The following ALKBH8 variants were observed in gnomAD, a reference collection of about 807,000 sequenced individuals.
ALKBH8 encodes tRNA (carboxymethyluridine(34)-5-O)-methyltransferase ALKBH8.
In ALKBH8, 36 loss-of-function variants were observed where a neutral mutation model predicts 59.8. That is an observed-to-expected ratio of 0.60 (90% CI 0.46 to 0.79). ALKBH8 has a LOEUF of 0.79. Ranked by LOEUF, ALKBH8 falls within the 30% of genes least tolerant of loss-of-function variation. The probability of loss-of-function intolerance (pLI) is 0.00; values close to 1 mark genes in which losing one functional copy is unlikely to be tolerated. For missense variants in ALKBH8, 768 were observed against 801.0 expected, an observed-to-expected ratio of 0.96 and a Z score of 0.50; for synonymous variants, 276 against 273.6, an observed-to-expected ratio of 1.01 and a Z score of -0.09.
In ALKBH8 at chr11:107,522,314, A is replaced by G. The variant is rs1178840217; in HGVS notation, c.1272T>C (p.Asn424=). 1 of 1,551,552 alleles carries G rather than the reference A, an allele frequency of 6.4e-7. No homozygotes were observed. The highest frequency in any genetic ancestry group is 1.4e-5 in the African/African-American group (1 of 73,060). Residue 424 remains asparagine, a synonymous_variant, in exon 10 of 12, where the codon AAT becomes AAC. Coordinates refer to ENST00000428149, the MANE Select transcript of ALKBH8 (RefSeq NM_138775.3). ...GCGNGKYLGI[N]KELYMIGCDR... is the part of the protein sequence containing the mutation. ...CATTACTTGCCATATATAACTCCTTATTGATGCCAAGATACTTTCCATTAC... is the reference window on the plus strand; with the variant it reads ...CATTACTTGCCATATATAACTCCTTGTTGATGCCAAGATACTTTCCATTAC...
chr11:107,521,888 T>C (rs1372713403), intron 10 of ALKBH8, among the ~76,000 whole-genome samples: 3 of 152,130 alleles, frequency 2.0e-5, no homozygotes, highest in East Asian at 3.8e-4. Context: ...CCTAATTATA[T>C]GACATCAGGA....
At chr11:107,552,130 G>C (rs934345564) in intron 5 of ALKBH8, among the ~76,000 whole-genome samples, 1 of 150,694 alleles carries the variant, frequency 6.6e-6, no homozygotes, top group Non-Finnish European at 1.5e-5. Flanking sequence ...AAGTTTAAAA[G>C]AACAATTCTA....
intron 2 of ALKBH8, among the ~76,000 whole-genome samples, chr11:107,557,999 T>C (rs1035205570): frequency 6.6e-6 from 1 of 152,202 alleles, no homozygotes; most frequent in Non-Finnish European, 1.5e-5. Flanking sequence ...TGAGAAGAGG[T>C]AGATAGTAAA....
chr11:107,517,894 G>A (rs1862933485), intron 10 of ALKBH8, among the ~76,000 whole-genome samples: 1 of 152,162 alleles, frequency 6.6e-6, no homozygotes, highest in Non-Finnish European at 1.5e-5. Context: ...AAAATGCTAG[G>A]AGAATGGATG....
intron 10 of ALKBH8, among the ~76,000 whole-genome samples, chr11:107,518,774 G>A (rs1358634857): frequency 2.0e-5 from 3 of 148,352 alleles, no homozygotes; most frequent in African/African-American, 5.0e-5. Flanking sequence ...TAGAAACAAT[G>A]CTAATGACTG....
chr11:107,557,714 T>G (rs988055935), intron 2 of ALKBH8, among the ~76,000 whole-genome samples: 2 of 152,218 alleles, frequency 1.3e-5, no homozygotes, highest in Non-Finnish European at 2.9e-5. Context: ...TTTTCCTTTG[T>G]AAGTTTCACG....
rs1591339977 is a variant in ALKBH8 at position 107,565,373 on chromosome 11, C to A, written c.-7+228G>T. 8 of 603,576 alleles carry A rather than the reference C, an allele frequency of 1.3e-5. No individual in the cohort carries two copies. In the East Asian group the frequency reaches 1.4e-4, roughly 11 times the overall value. 37.4% of individuals were successfully genotyped at this position (603,576 alleles called of 1,614,324 possible). A position where few individuals can be genotyped will look rare whatever the true frequency, so the allele number is the denominator to read the frequency against. ...AAACAGAAGATTGACACAGGCACCA[C>A]GTGAGCGCCCGAACCAAACACAAAC... On this transcript the variant is annotated intron_variant, in intron 1 of 11. Coordinates refer to ENST00000428149, the MANE Select transcript of ALKBH8 (RefSeq NM_138775.3).
chr11:107,558,794 G>A (rs1864816423), intron 2 of ALKBH8, among the ~76,000 whole-genome samples: 1 of 152,164 alleles, frequency 6.6e-6, no homozygotes, highest in African/African-American at 2.4e-5. Flanking sequence ...ATAAGGAGGA[G>A]TATGTATGAA....
intron 6 of ALKBH8, 57 bp from the exon 7 acceptor site, chr11:107,549,880 A>G (rs1392926828): frequency 5.0e-6 from 6 of 1,198,746 alleles, no homozygotes; most frequent in Admixed American, 4.1e-5. Flanking sequence ...TAGATTTAAG[A>G]TGGCTATAAA....
chr11:107,554,091 G>T, intron 3 of ALKBH8, 113 bp from the exon 4 acceptor site: 2 of 1,350,126 alleles, frequency 1.5e-6, no homozygotes, highest in Non-Finnish European at 2.0e-6. Context: ...CTCATTTTCG[G>T]AAACAAGATT....
intron 5 of ALKBH8, 55 bp downstream of exon 5, chr11:107,553,053 A>G: frequency 1.9e-6 from 2 of 1,065,644 alleles, no homozygotes; most frequent in Non-Finnish European, 2.7e-6. Context: ...ATCATATTCT[A>G]CTAATATATT....
At chr11:107,539,596 C>CAA (rs5794556) in intron 7 of ALKBH8, among the ~76,000 whole-genome samples, 15 of 149,568 alleles carry the variant, frequency 1.0e-4, no homozygotes, top group South Asian at 4.3e-4. Context: ...GAGAATCCAC[C>CAA]AAAAAAAAAC....
chr11:107,522,351 T>A lies in ALKBH8; in HGVS notation c.1235A>T (p.Asp412Val). 1 of 1,551,666 alleles carries A rather than the reference T, an allele frequency of 6.4e-7. No individual in the cohort carries two copies. Among genetic ancestry groups the A allele is most frequent in the South Asian group, 1.2e-5 (1 of 84,058 alleles). ...KALPSGSIVA[D>V]IGCGNGKYLG... ...ATACTTTCCATTACCACATCCAATA[T>A]CAGCCACTATTGAACCACTTGGCAA... Residue 412 changes from aspartate (D) to valine (V), a missense_variant, in exon 10 of 12, where the codon GAT (aspartate) becomes GTT (valine). Physicochemically the swap from Asp to Val is radical, Grantham distance 152. Transcript: ENST00000428149.
At chr11:107,518,187 TAA>T (rs1478070387) in intron 10 of ALKBH8, among the ~76,000 whole-genome samples, 2 of 152,216 alleles carry the variant, frequency 1.3e-5, no homozygotes, top group East Asian at 3.8e-4. Context: ...CATTATTATA[TAA>T]AACATTAATA....
chr11:107,512,821 A>G (rs1862695421), intron 10 of ALKBH8, among the ~76,000 whole-genome samples: 1 of 152,214 alleles, frequency 6.6e-6, no homozygotes, highest in Non-Finnish European at 1.5e-5. Context: ...ATGAATGCTC[A>G]TATCAAAACA....
intron 9 of ALKBH8, among the ~76,000 whole-genome samples, chr11:107,524,743 T>A (rs1164549498): frequency 6.6e-6 from 1 of 152,186 alleles, no homozygotes; most frequent in Non-Finnish European, 1.5e-5. Context: ...TTTAATTAAA[T>A]GTTTTCAAGA....
intron 5 of ALKBH8, among the ~76,000 whole-genome samples, chr11:107,552,532 A>C (rs542833696): frequency 2.6e-5 from 4 of 152,356 alleles, no homozygotes; most frequent in African/African-American, 9.6e-5. Context: ...GAAAGGAAAT[A>C]CAAATGACCA....
intron 10 of ALKBH8, among the ~76,000 whole-genome samples, chr11:107,518,282 T>A (rs951897807): frequency 1.3e-5 from 2 of 152,322 alleles, no homozygotes; most frequent in Admixed American, 1.3e-4. Flanking sequence ...TTCTAAATGA[T>A]AGTTATTTAT....
Position 107,560,787 on chromosome 11 carries a change from T to G in ALKBH8, c.107A>C (p.Glu36Ala). The change falls in exon 2 of 12, where the codon GAG becomes GCG. Residue 36 changes from glutamate (E) to alanine (A), a missense_variant. By Grantham distance (107) the Glu-to-Ala change is moderately radical. Coordinates refer to ENST00000428149, the MANE Select transcript of ALKBH8 (RefSeq NM_138775.3). Reference sequence around the variant, plus strand: ...CACCTGAGTGGCATAGGATACTGTCTCAATGCCTTCATGTCTCAGCAAAGT... The same window carrying G: ...CACCTGAGTGGCATAGGATACTGTCGCAATGCCTTCATGTCTCAGCAAAGT... ...KHTLLRHEGI[E>A]TVSYATQSLV... The G allele has an allele frequency of 1.2e-6, 2 of 1,613,082 alleles. No individual in the cohort carries two copies. Among genetic ancestry groups the G allele is most frequent in the Non-Finnish European group, 8.5e-7 (1 of 1,179,438 alleles).
Sources: allele counts gnomAD v4.1 joint callset (sites outside exome capture counted in the v4.1 genomes callset), GRCh38; gene constraint gnomAD v4.1.1; transcripts MANE v1.5; gene names NCBI Gene and HGNC (gene_info 2026-07-23, HGNC 2026-07-21).